LINGO2: variants seen among roughly 807,000 people sequenced by gnomAD.
LINGO2 encodes the protein leucine-rich repeat and immunoglobulin-like domain-containing nogo receptor-interacting protein 2.
LINGO2 carries 14 observed loss-of-function variants against 30.6 expected under a neutral mutation model. The observed-to-expected ratio is 0.46, with a 90% CI of 0.30 to 0.72. The LOEUF (loss-of-function observed/expected upper bound fraction) is 0.72, where lower values mean the gene tolerates loss of function less well. LINGO2 is among the 30% of genes least tolerant of loss of function. The probability of loss-of-function intolerance (pLI) is 0.07; values close to 1 mark genes in which losing one functional copy is unlikely to be tolerated. For synonymous variants in LINGO2, 317 were observed against 288.5 expected (o/e 1.10, Z -1.00); for missense variants, 729 against 751.7 (o/e 0.97, Z 0.35).
chr9:28,054,332 G>A (rs1824817024), intron 4 of LINGO2, among the ~76,000 whole-genome samples: 1 of 152,054 alleles, frequency 6.6e-6, no homozygotes, highest in South Asian at 2.1e-4. Context: ...CTCTTGGATG[G>A]TTTGGCTATT....
At chr9:28,390,589 G>C (rs1490865034) in intron 2 of LINGO2, among the ~76,000 whole-genome samples, 2 of 148,934 alleles carry the variant, frequency 1.3e-5, no homozygotes, top group African/African-American at 4.9e-5. Context: ...AAAAAAAAGA[G>C]AAAACTTCAG....
chr9:28,682,449 A>C, the LINGO2 span, among the ~76,000 whole-genome samples: 4 of 152,156 alleles, frequency 2.6e-5, no homozygotes, highest in African/African-American at 9.7e-5. Flanking sequence ...ATTTTTGTAC[A>C]GGTTATCTTT....
At chr9:28,632,933 T>G (rs1405486886) in intron 1 of LINGO2, among the ~76,000 whole-genome samples, 1 of 137,460 alleles carries the variant, frequency 7.3e-6, no homozygotes, top group African/African-American at 2.8e-5. Flanking sequence ...AGGTATTAAC[T>G]TATATGCTCA....
the LINGO2 span, among the ~76,000 whole-genome samples, chr9:28,901,304 T>G: frequency 6.6e-6 from 1 of 152,126 alleles, no homozygotes; most frequent in Non-Finnish European, 1.5e-5. Context: ...TTGTCTAACA[T>G]GAAATACTCA....
At chr9:28,003,370 GAT>G (rs1563901805) in intron 5 of LINGO2, among the ~76,000 whole-genome samples, 1,524 of 141,962 alleles carry the variant, frequency 0.011, 29 homozygotes, top group African/African-American at 0.036. Flanking sequence ...TAGATAGATA[GAT>G]AGATAGATAG....
intron 1 of LINGO2, among the ~76,000 whole-genome samples, chr9:28,532,261 A>G (rs1392740166): frequency 6.6e-6 from 1 of 152,186 alleles, no homozygotes; most frequent in African/African-American, 2.4e-5. Flanking sequence ...CTATAAATCT[A>G]GGAAAGAAAA....
chr9:28,146,612 G>C (rs566950937), intron 4 of LINGO2, among the ~76,000 whole-genome samples: 1 of 151,708 alleles, frequency 6.6e-6, no homozygotes, highest in South Asian at 2.1e-4. Flanking sequence ...AATATAGATG[G>C]TTTCAATTCT....
intron 5 of LINGO2, among the ~76,000 whole-genome samples, chr9:27,963,689 C>G (rs1819958047): frequency 6.7e-6 from 1 of 148,458 alleles, no homozygotes; most frequent in African/African-American, 2.5e-5. Flanking sequence ...GTCAGTAAAG[C>G]TATTTCTCAA....
the LINGO2 span, among the ~76,000 whole-genome samples, chr9:28,996,882 TAGA>T: frequency 4.8e-4 from 73 of 152,290 alleles, no homozygotes; most frequent in Non-Finnish European, 9.4e-4. Context: ...GAACATATAA[TAGA>T]AGATCTTAAA....
At chr9:28,851,611 A>G in the LINGO2 span, among the ~76,000 whole-genome samples, 2 of 152,036 alleles carry the variant, frequency 1.3e-5, no homozygotes, top group South Asian at 4.1e-4. Flanking sequence ...CCTTGAGTTT[A>G]ATCTATGATC....
At chr9:28,782,718 G>C in the LINGO2 span, among the ~76,000 whole-genome samples, 1 of 152,118 alleles carries the variant, frequency 6.6e-6, no homozygotes, top group Admixed American at 6.6e-5. Context: ...TAGCATCATG[G>C]GAATTAACTT....
chr9:28,671,921 A>G (rs954543727), upstream of LINGO2, among the ~76,000 whole-genome samples: 2 of 152,176 alleles, frequency 1.3e-5, no homozygotes, highest in Admixed American at 6.5e-5. Context: ...TGTTGGATTT[A>G]TAAATATTAT....
At chr9:28,574,470 T>G (rs1182515849) in intron 1 of LINGO2, among the ~76,000 whole-genome samples, 1 of 152,218 alleles carries the variant, frequency 6.6e-6, no homozygotes, top group East Asian at 1.9e-4. Context: ...TAATGTTGTC[T>G]ATGACACTAA....
intron 1 of LINGO2, among the ~76,000 whole-genome samples, chr9:28,506,469 CACACACACACATACACAT>C (rs746021386): frequency 0.37 from 6,702 of 18,020 alleles, 880 homozygotes; most frequent in Middle Eastern, 0.5. Flanking sequence ...CACATACACA[CACACACACACATACACAT>C]ACACACACAC....
intron 4 of LINGO2, among the ~76,000 whole-genome samples, chr9:28,289,352 A>G (rs374420035): frequency 2.6e-5 from 4 of 152,226 alleles, no homozygotes; most frequent in African/African-American, 7.2e-5. Flanking sequence ...TCTAAATCAT[A>G]TATTTGTACA....
chr9:28,249,099 T>C (rs2134002921), intron 4 of LINGO2, among the ~76,000 whole-genome samples: 1 of 152,106 alleles, frequency 6.6e-6, no homozygotes, highest in East Asian at 1.9e-4. Context: ...TGGGGAAATG[T>C]GGTTTCTTTT....
intron 3 of LINGO2, among the ~76,000 whole-genome samples, chr9:28,365,773 T>G (rs1820644141): frequency 6.6e-6 from 1 of 151,494 alleles, no homozygotes; most frequent in Non-Finnish European, 1.5e-5. Context: ...CTCTTTTTTT[T>G]TTTTTTTTTT....
At chr9:28,339,782 G>A (rs897752770) in intron 3 of LINGO2, among the ~76,000 whole-genome samples, 4 of 152,142 alleles carry the variant, frequency 2.6e-5, no homozygotes, top group Non-Finnish European at 4.4e-5. Flanking sequence ...ACAATGTGAA[G>A]ATCTGTTATT....
the LINGO2 span, among the ~76,000 whole-genome samples, chr9:29,200,824 C>T: frequency 6.6e-6 from 1 of 152,088 alleles, no homozygotes; most frequent in Non-Finnish European, 1.5e-5. Context: ...ATGACAGTTT[C>T]TCAGACTTTC....
Sources: allele counts gnomAD v4.1 joint callset (sites outside exome capture counted in the v4.1 genomes callset), GRCh38; gene constraint gnomAD v4.1.1; transcripts MANE v1.5; gene names NCBI Gene and HGNC (gene_info 2026-07-23, HGNC 2026-07-21).